Variants in ARRDC4 observed in about 807,000 individuals in gnomAD.
The protein encoded by ARRDC4 is arrestin domain containing 4, also known as arrestin domain-containing protein 4.
A neutral mutation model predicts 44.6 loss-of-function variants in ARRDC4; 40 were observed. That is an observed-to-expected ratio of 0.90 (90% confidence interval 0.70 to 1.17). The LOEUF (loss-of-function observed/expected upper bound fraction) is 1.17, where lower values mean the gene tolerates loss of function less well. Among genes scored for constraint, ARRDC4 ranks in the 50% most tolerant of loss-of-function variants. The pLI is 0.00. For synonymous variants in ARRDC4, 211 were observed against 221.2 expected, an observed-to-expected ratio of 0.95 and a Z score of 0.41; for missense variants, 550 against 559.1, an observed-to-expected ratio of 0.98 and a Z score of 0.16.
At position 97,971,952 on chromosome 15, in the gene ARRDC4, G is replaced by A. The variant is rs927657153; in HGVS notation, c.*765G>A. ...CTTTAAGTGCTTTAACAGGATATACGTTTGATTTTCCTCATATCTTATTTA... is the reference window on the plus strand; with the variant it reads ...CTTTAAGTGCTTTAACAGGATATACATTTGATTTTCCTCATATCTTATTTA... On this transcript the variant is annotated 3_prime_UTR_variant, in exon 8 of 8. Coordinates refer to ENST00000268042, the MANE Select transcript of ARRDC4 (RefSeq NM_183376.3). 6.6e-6 allele frequency: 1 copy of A among 152,500 alleles called. No individual in the cohort carries two copies. The highest frequency in any genetic ancestry group is 2.1e-4 in the South Asian group (1 of 4,826). 9.4% of individuals were successfully genotyped at this position (152,500 alleles called of 1,614,324 possible).
In ARRDC4 at chr15:97,971,946, A is replaced by C. The variant is rs1046563583; in HGVS notation, c.*759A>C. On this transcript the variant is annotated 3_prime_UTR_variant, in exon 8 of 8. Transcript: ENST00000268042. ...TACCCCCTTTAAGTGCTTTAACAGG[A>C]TATACGTTTGATTTTCCTCATATCT... 1 of 152,496 alleles carries C rather than the reference A, an allele frequency of 6.6e-6. No individual in the cohort carries two copies. Among genetic ancestry groups the C allele is most frequent in the Non-Finnish European group, 1.5e-5 (1 of 68,016 alleles). 9.4% of individuals were successfully genotyped at this position (152,496 alleles called of 1,614,324 possible).
Position 97,968,091 on chromosome 15 carries a change from A to C in ARRDC4, c.600A>C (p.Lys200Asn), listed in dbSNP as rs1899449287. 1 of 1,603,006 alleles carries C rather than the reference A, an allele frequency of 6.2e-7. No homozygotes were observed. Among genetic ancestry groups the C allele is most frequent in the African/African-American group, 1.3e-5 (1 of 74,532 alleles). ...CTGGTCCAGTCTCGCTGAGTGCCAA[A>C]ATTGAAAGAAAGGGATACTGTAATG... ...FTSGPVSLSAKIERKGYCNGE... is the reference protein window; with the variant it reads ...FTSGPVSLSANIERKGYCNGE... Residue 200 changes from lysine (K) to asparagine (N), a missense_variant, in exon 4 of 8, where the codon AAA becomes AAC. Physicochemically the swap from Lys to Asn is moderately conservative, Grantham distance 94. Transcript: ENST00000268042. The surrounding 1 kb of genome is among the most constrained non-coding windows in gnomAD (Gnocchi z 5.4).
rs1044460401 is a variant in ARRDC4, at chr15:97,966,812, T to A, written c.522+770T>A. Reference sequence around the variant, plus strand: ...CTTCATTTAAATATGAATGAATGATTTTTTTTACTTCATAGAAAATACTGA... The same window carrying A: ...CTTCATTTAAATATGAATGAATGATATTTTTTACTTCATAGAAAATACTGA... On this transcript the variant is annotated intron_variant, in intron 3 of 7. Coordinates refer to ENST00000268042, the MANE Select transcript of ARRDC4 (RefSeq NM_183376.3). The surrounding 1 kb of genome is among the most constrained non-coding windows in gnomAD (Gnocchi z 4.7). Among the ~76,000 whole-genome samples, 3 of 152,204 alleles carry A rather than the reference T, an allele frequency of 2.0e-5. No individual in the cohort carries two copies. The highest frequency in any genetic ancestry group is 4.4e-5 in the Non-Finnish European group (3 of 68,026).
chr15:97,969,008 G>A, intron 4 of ARRDC4, 115 bp from the exon 5 acceptor site: 1 of 1,093,652 alleles, frequency 9.1e-7, no homozygotes, highest in Admixed American at 2.3e-5. Context: ...TTCCATCAAA[G>A]CTTCTCAATT....
chr15:97,963,040 T>A (rs1899348137), intron 1 of ARRDC4, among the ~76,000 whole-genome samples: 1 of 152,208 alleles, frequency 6.6e-6, no homozygotes, highest in Non-Finnish European at 1.5e-5. Context: ...CAAGCCAGAA[T>A]CAGAGAGTTG....
chr15:97,966,191 A>G lies in ARRDC4; in HGVS notation c.522+149A>G, dbSNP rs1899417448. On this transcript the variant is annotated intron_variant, in intron 3 of 7. Transcript: ENST00000268042. This position sits in a 1 kb window ranked among gnomAD's most constrained non-coding sequence, Gnocchi z 4.7. The stretch of plus-strand genomic sequence containing the variant: ...TTGGAAAACACAATCTTGTAACCCA[A>G]AGGCATTCACTATAAATATATGATT... 1.1e-6 allele frequency: 1 copy of G among 890,712 alleles called. No homozygotes were observed. The highest frequency in any genetic ancestry group is 1.7e-6 in the Non-Finnish European group (1 of 593,870). 55.2% of individuals were successfully genotyped at this position (890,712 alleles called of 1,614,324 possible).
In ARRDC4 at chr15:97,965,535, C is replaced by T; in HGVS notation, c.308-65C>T. The T allele has an allele frequency of 1.5e-6, 2 of 1,344,462 alleles. No homozygotes were observed. The highest frequency in any genetic ancestry group is 2.1e-6 in the Non-Finnish European group (2 of 945,902). 83.3% of individuals were successfully genotyped at this position (1,344,462 alleles called of 1,614,324 possible). Reference sequence around the variant, plus strand: ...AAAACTTCCTTCAAAAAATTATTTACATTGTGAAAACTCTTGATCTAATAC... The same window carrying T: ...AAAACTTCCTTCAAAAAATTATTTATATTGTGAAAACTCTTGATCTAATAC... On this transcript the variant is annotated intron_variant, in intron 1 of 7. Transcript: ENST00000268042. The surrounding 1 kb of genome is among the most constrained non-coding windows in gnomAD (Gnocchi z 5.1).
At position 97,965,736 on chromosome 15, in the gene ARRDC4, G is replaced by T; in HGVS notation, c.374+70G>T. The T allele has an allele frequency of 6.7e-7, 1 of 1,502,698 alleles. No individual in the cohort carries two copies. The highest frequency in any genetic ancestry group is 1.4e-5 in the African/African-American group (1 of 72,526). 93.1% of individuals were successfully genotyped at this position (1,502,698 alleles called of 1,614,324 possible). On this transcript the variant is annotated intron_variant, in intron 2 of 7. Coordinates refer to ENST00000268042, the MANE Select transcript of ARRDC4 (RefSeq NM_183376.3). The surrounding 1 kb of genome is among the most constrained non-coding windows in gnomAD (Gnocchi z 5.1). ...TGTCCATTCAAGTTTATCACTGCTA[G>T]GTCTCTTCTGATTCTCAAGTATGCA...
intron 1 of ARRDC4, among the ~76,000 whole-genome samples, chr15:97,963,420 A>G (rs1013644942): frequency 3.9e-5 from 6 of 152,134 alleles, no homozygotes; most frequent in African/African-American, 9.7e-5. Context: ...ATGTTTTGAG[A>G]TAGTTGAAAG....
Position 97,963,882 on chromosome 15 carries a change from G to A in ARRDC4, c.308-1718G>A, listed in dbSNP as rs115767399. ...CAGCTCTTTTAGGAGCACTGGGATT[G>A]CCTTGAGCCTTTCACTCCACAGCTG... is the stretch of plus-strand genomic sequence containing the variant. On this transcript the variant is annotated intron_variant, in intron 1 of 7. Coordinates refer to ENST00000268042, the MANE Select transcript of ARRDC4 (RefSeq NM_183376.3). 9.4e-3 allele frequency among the ~76,000 whole-genome samples: 1,431 copies of A among 152,278 alleles called. 21 individuals carry two copies. Among genetic ancestry groups the A allele is most frequent in the African/African-American group, 0.023 (974 of 41,540 alleles).
In ARRDC4 at chr15:97,966,099, T is replaced by C. The variant is rs1403234000; in HGVS notation, c.522+57T>C. 1.9e-6 allele frequency: 3 copies of C among 1,572,820 alleles called. No individual in the cohort carries two copies. The highest frequency in any genetic ancestry group is 2.7e-5 in the African/African-American group (2 of 73,950). ...TTTCCTCCTTCCCTCCCTTCCTCCT[T>C]CCTTTCAACAGTGGGATCTATATTT... On this transcript the variant is annotated intron_variant, in intron 3 of 7. Coordinates refer to ENST00000268042, the MANE Select transcript of ARRDC4 (RefSeq NM_183376.3). The surrounding 1 kb of genome is among the most constrained non-coding windows in gnomAD (Gnocchi z 4.7).
chr15:97,965,680 T>C lies in ARRDC4; in HGVS notation c.374+14T>C. ...ACTTCCATCTGAGTAAGTGAAACAC[T>C]ACAATTTTGTGGTTATCCTTCTCTG... On this transcript the variant is annotated intron_variant, in intron 2 of 7. Coordinates refer to ENST00000268042, the MANE Select transcript of ARRDC4 (RefSeq NM_183376.3). The surrounding 1 kb of genome is among the most constrained non-coding windows in gnomAD (Gnocchi z 5.1). 6.2e-7 allele frequency: 1 copy of C among 1,609,256 alleles called. No homozygotes were observed. The highest frequency in any genetic ancestry group is 2.2e-5 in the East Asian group (1 of 44,838).
chr15:97,970,428 ATC>A lies in ARRDC4; in HGVS notation c.1046-159_1046-158del, dbSNP rs1899489050. On this transcript the variant is annotated intron_variant, in intron 6 of 7. Transcript: ENST00000268042. The surrounding 1 kb of genome is among the most constrained non-coding windows in gnomAD (Gnocchi z 4.2). ...TTAGTAGTAGTTTAATAAAAGGAGAATCTATTTTTTATTGTAATATGCATAAA... is the reference window on the plus strand; with the variant it reads ...TTAGTAGTAGTTTAATAAAAGGAGAATATTTTTTATTGTAATATGCATAAA... Among the ~76,000 whole-genome samples the A allele has an allele frequency of 1.3e-5, 2 of 152,274 alleles. No homozygotes were observed. The highest frequency in any genetic ancestry group is 1.9e-4 in the East Asian group (1 of 5,190).
At position 97,961,130 on chromosome 15, in the gene ARRDC4, A is replaced by T; in HGVS notation, c.269A>T (p.Tyr90Phe). The change falls in exon 1 of 8, where the codon TAC becomes TTC. Residue 90 changes from tyrosine (Y) to phenylalanine (F), a missense_variant. Physicochemically the swap from Tyr to Phe is conservative, Grantham distance 22 (BLOSUM62 3). Transcript: ENST00000268042. ...CTGGCTGTCTTCTCGGAGGTGGAGT[A>T]CCTGAACGTGCGCCTCAGCCTGCGG... ...AALAVFSEVE[Y>F]LNVRLSLREP... is the part of the protein sequence containing the mutation. The T allele has an allele frequency of 6.9e-7, 1 of 1,455,798 alleles. No homozygotes were observed. The highest frequency in any genetic ancestry group is 1.5e-5 in the African/African-American group (1 of 67,328). The allele number at this position is 1,455,798 out of a possible 1,614,324, so 90.2% of individuals were successfully genotyped here. A position where few individuals can be genotyped will look rare whatever the true frequency, so the allele number is the denominator to read the frequency against.
chr15:97,962,794 C>T (rs1384862875), intron 1 of ARRDC4, among the ~76,000 whole-genome samples: 4 of 152,132 alleles, frequency 2.6e-5, no homozygotes, highest in Non-Finnish European at 4.4e-5. Context: ...ATATCTATAG[C>T]TTGGAAGAAC....
At position 97,971,443 on chromosome 15, in the gene ARRDC4, A is replaced by G. The variant is rs1899513543; in HGVS notation, c.*256A>G. On this transcript the variant is annotated 3_prime_UTR_variant, in exon 8 of 8. Coordinates refer to ENST00000268042, the MANE Select transcript of ARRDC4 (RefSeq NM_183376.3). ...GTGCAAAGTCACAGAATGTAATGGA[A>G]GTCCTGATGGTTACAGAGTAAGTGA... 2.1e-6 allele frequency: 1 copy of G among 468,230 alleles called. No individual in the cohort carries two copies. Among genetic ancestry groups the G allele is most frequent in the South Asian group, 2.2e-5 (1 of 45,352 alleles). The allele number at this position is 468,230 out of a possible 1,614,324, so 29.0% of individuals were successfully genotyped here.
rs186518236 is a variant in ARRDC4, at chr15:97,966,720, C to G, written c.522+678C>G. Among the ~76,000 whole-genome samples, 20 of 152,218 alleles carry G rather than the reference C, an allele frequency of 1.3e-4. No homozygotes were observed. On this transcript the variant is annotated intron_variant, in intron 3 of 7. Coordinates refer to ENST00000268042, the MANE Select transcript of ARRDC4 (RefSeq NM_183376.3). This position sits in a 1 kb window ranked among gnomAD's most constrained non-coding sequence, Gnocchi z 4.7. Reference sequence around the variant, plus strand: ...ATGAGCTAGATTCTTTTATCTAAACCCATATTATCAAAATAATATAAAATT... The same window carrying G: ...ATGAGCTAGATTCTTTTATCTAAACGCATATTATCAAAATAATATAAAATT...
chr15:97,965,696 T>C lies in ARRDC4; in HGVS notation c.374+30T>C, dbSNP rs1899406491. The C allele has an allele frequency of 6.3e-7, 1 of 1,595,320 alleles. No homozygotes were observed. The highest frequency in any genetic ancestry group is 1.1e-5 in the South Asian group (1 of 90,654). ...GTGAAACACTACAATTTTGTGGTTA[T>C]CCTTCTCTGCAGTATGTCCATTCAA... On this transcript the variant is annotated intron_variant, in intron 2 of 7. Coordinates refer to ENST00000268042, the MANE Select transcript of ARRDC4 (RefSeq NM_183376.3). The surrounding 1 kb of genome is among the most constrained non-coding windows in gnomAD (Gnocchi z 5.1).
At chr15:97,961,221 G>A in intron 1 of ARRDC4, 53 bp downstream of exon 1, 1 of 1,342,862 alleles carries the variant, frequency 7.4e-7, no homozygotes. Flanking sequence ...GGGCCGGGGA[G>A]GGGCTGGGAG....
Sources: allele counts gnomAD v4.1 joint callset (sites outside exome capture counted in the v4.1 genomes callset), GRCh38; gene constraint gnomAD v4.1.1; non-coding constraint Gnocchi (gnomAD v3.1); transcripts MANE v1.5; gene names NCBI Gene and HGNC (gene_info 2026-07-23, HGNC 2026-07-21).